ACSM3: variants seen among roughly 807,000 people sequenced by gnomAD.
The protein encoded by ACSM3 is acyl-coenzyme A synthetase ACSM3, mitochondrial.
Under a neutral mutation model 74.1 loss-of-function variants are expected in ACSM3, and 61 were observed. The ratio of observed to expected loss-of-function variants is 0.82; its 90% confidence interval spans 0.67 to 1.02. The LOEUF is 1.02. ACSM3 is among the 50% of genes least tolerant of loss of function. The pLI, the probability that ACSM3 is intolerant of heterozygous loss-of-function variation, is 0.00. For synonymous variants in ACSM3, 213 were observed against 241.5 expected, an observed-to-expected ratio of 0.88 and a Z score of 1.09; for missense variants, 660 against 697.0, an observed-to-expected ratio of 0.95 and a Z score of 0.60.
At chr16:20,698,944 T>C (rs1320160614) in intron 1 of ACSM3, 4 of 152,248 alleles carry the variant, frequency 2.6e-5, no homozygotes, top group African/African-American at 9.6e-5. Flanking sequence ...CTGGGCATAG[T>C]CGATGTTGGC....
chr16:20,714,100 T>C (rs1334875569), intron 1 of ACSM3, among the ~76,000 whole-genome samples: 1 of 152,172 alleles, frequency 6.6e-6, no homozygotes, highest in African/African-American at 2.4e-5. Flanking sequence ...TATATTTCTC[T>C]TTTTCTGTCC....
chr16:20,689,624 T>A (rs952877104), intron 1 of ACSM3, among the ~76,000 whole-genome samples: 1 of 152,228 alleles, frequency 6.6e-6, no homozygotes, highest in Non-Finnish European at 1.5e-5. Context: ...ATTGTTTTTA[T>A]AATAAAATGC....
chr16:20,788,827 C>T (rs2080530977), intron 9 of ACSM3, among the ~76,000 whole-genome samples: 1 of 152,072 alleles, frequency 6.6e-6, no homozygotes, highest in Non-Finnish European at 1.5e-5. Context: ...TCCTTCATAC[C>T]TGGAACCACA....
At chr16:20,685,888 G>A (rs2079546532) in intron 1 of ACSM3, among the ~76,000 whole-genome samples, 1 of 150,660 alleles carries the variant, frequency 6.6e-6, no homozygotes, top group African/African-American at 2.4e-5. Flanking sequence ...GGGTGGAGCG[G>A]GACTTCTGGC....
At chr16:20,796,518 G>C in intron 13 of ACSM3, 29 bp downstream of exon 13, 1 of 1,608,462 alleles carries the variant, frequency 6.2e-7, no homozygotes, top group Non-Finnish European at 8.5e-7. Context: ...ACGAATATTT[G>C]CTCAGTGTTG....
At chr16:20,769,642 T>C (rs2080166991) in intron 1 of ACSM3, among the ~76,000 whole-genome samples, 1 of 152,214 alleles carries the variant, frequency 6.6e-6, no homozygotes, top group South Asian at 2.1e-4. Context: ...ACCCAGATCT[T>C]TACTTCTTTA....
intron 6 of ACSM3, among the ~76,000 whole-genome samples, chr16:20,781,391 G>A (rs2080349910): frequency 2.0e-5 from 3 of 152,178 alleles, no homozygotes; most frequent in East Asian, 3.9e-4. Flanking sequence ...TTAAAAAAAT[G>A]CAAATAAAAA....
Position 20,781,091 on chromosome 16 carries a change from A to G in ACSM3, c.900A>G (p.Thr300=), listed in dbSNP as rs1328299788. The part of the protein sequence containing the change: ...SPWIQGACVF[T]HHLPRFEPTS... ...GGATCCAGGGAGCATGTGTATTCAC[A>G]CACCATTTACCCCGTTTTGAGCCGA... Residue 300 remains threonine (T), a synonymous_variant, in exon 6 of 14, where the codon ACA becomes ACG. Transcript: ENST00000289416. 6.2e-7 allele frequency: 1 copy of G among 1,614,154 alleles called. No individual in the cohort carries two copies. The highest frequency in any genetic ancestry group is 2.2e-5 in the East Asian group (1 of 44,890).
At chr16:20,731,163 GC>G (rs939388087) in intron 1 of ACSM3, among the ~76,000 whole-genome samples, 1 of 152,126 alleles carries the variant, frequency 6.6e-6, no homozygotes, top group African/African-American at 2.4e-5. Flanking sequence ...ACTACACTCA[GC>G]CCCTTCCTGA....
upstream of ACSM3, chr16:20,763,879 A>T (rs978706064): frequency 6.6e-5 from 10 of 152,238 alleles, no homozygotes; most frequent in East Asian, 1.9e-3. Flanking sequence ...GTAAATCATT[A>T]CCTGTAAGAG....
intron 3 of ACSM3, among the ~76,000 whole-genome samples, chr16:20,757,563 C>A (rs1389946405): frequency 6.6e-6 from 1 of 150,482 alleles, no homozygotes; most frequent in African/African-American, 2.4e-5. Flanking sequence ...TCTAGATATA[C>A]AATCATGTCG....
intron 9 of ACSM3, among the ~76,000 whole-genome samples, chr16:20,786,890 T>C (rs9933774): frequency 6.6e-6 from 1 of 151,986 alleles, no homozygotes; most frequent in East Asian, 1.9e-4. Flanking sequence ...ACTGGTCCTC[T>C]CAGGCAAGGG....
chr16:20,790,913 G>T lies in ACSM3; in HGVS notation c.1326+225G>T, dbSNP rs762065087. On this transcript the variant is annotated intron_variant, in intron 10 of 13. Transcript: ENST00000289416. The surrounding 1 kb of genome is among the most constrained non-coding windows in gnomAD (Gnocchi z 4.0). The stretch of plus-strand genomic sequence containing the variant: ...GGCCAGATCACTGTTCCAGGTCCAC[G>T]AAGGCAAGAGGAAGGGACCCTAGAA... The T allele has an allele frequency of 6.2e-7, 1 of 1,614,024 alleles. No homozygotes were observed. The highest frequency in any genetic ancestry group is 8.5e-7 in the Non-Finnish European group (1 of 1,179,958).
chr16:20,715,703 C>T (rs979229577), intron 1 of ACSM3, among the ~76,000 whole-genome samples: 2 of 152,186 alleles, frequency 1.3e-5, no homozygotes, highest in African/African-American at 2.4e-5. Context: ...GCATCCTTAA[C>T]CCTGTTCCCT....
At chr16:20,680,080 G>A (rs1414303573) in intron 1 of ACSM3, 2 of 152,176 alleles carry the variant, frequency 1.3e-5, no homozygotes, top group African/African-American at 4.8e-5. Context: ...ACATTCAGTG[G>A]TCCACACTAA....
intron 1 of ACSM3, among the ~76,000 whole-genome samples, chr16:20,726,831 G>C (rs917805194): frequency 4.6e-5 from 7 of 152,204 alleles, no homozygotes; most frequent in Non-Finnish European, 1.0e-4. Flanking sequence ...AGATCACCTT[G>C]ACAAGTGGGA....
chr16:20,736,891 C>G (rs150520129), intron 1 of ACSM3: 4 of 1,613,750 alleles, frequency 2.5e-6, no homozygotes, highest in Non-Finnish European at 3.4e-6. Flanking sequence ...TATGAGAAGT[C>G]ATTTTCATTT....
chr16:20,765,784 G>A (rs1189761229), intron 1 of ACSM3, among the ~76,000 whole-genome samples: 2 of 152,156 alleles, frequency 1.3e-5, no homozygotes, highest in African/African-American at 4.8e-5. Flanking sequence ...TCTGTAAAAT[G>A]AAAATACTAA....
intron 1 of ACSM3, chr16:20,682,607 T>G: frequency 1.7e-6 from 1 of 600,080 alleles, no homozygotes. Context: ...CTATCCAGGA[T>G]GCAGAATCTC....
Sources: allele counts gnomAD v4.1 joint callset (sites outside exome capture counted in the v4.1 genomes callset), GRCh38; gene constraint gnomAD v4.1.1; non-coding constraint Gnocchi (gnomAD v3.1); transcripts MANE v1.5; gene names NCBI Gene and HGNC (gene_info 2026-07-23, HGNC 2026-07-21).